Variants in CFAP299 observed in about 807,000 individuals in gnomAD.
CFAP299 encodes the protein cilia and flagella associated protein 299.
Under a neutral mutation model 27.0 loss-of-function variants are expected in CFAP299, and 21 were observed. The observed-to-expected ratio is 0.78, with a 90% CI of 0.55 to 1.12. The LOEUF (loss-of-function observed/expected upper bound fraction) is 1.12, where lower values mean the gene tolerates loss of function less well. CFAP299 is among the 50% of genes most tolerant of loss of function. The probability of loss-of-function intolerance (pLI) is 0.00; values close to 1 mark genes in which losing one functional copy is unlikely to be tolerated. For missense variants in CFAP299, 310 were observed against 276.6 expected (o/e 1.12, Z -0.86); for synonymous variants, 104 against 98.1 (o/e 1.06, Z -0.36).
intron 3 of CFAP299, among the ~76,000 whole-genome samples, chr4:80,697,956 A>G (rs1721216519): frequency 6.6e-6 from 1 of 152,250 alleles, no homozygotes; most frequent in Non-Finnish European, 1.5e-5. Flanking sequence ...CCAAGAATTA[A>G]TCAATCAAAC....
chr4:80,687,116 A>G (rs538465899), intron 3 of CFAP299, among the ~76,000 whole-genome samples: 5 of 152,250 alleles, frequency 3.3e-5, no homozygotes, highest in South Asian at 2.1e-4. Context: ...TTTCTCTCCT[A>G]CTGATCTCCA....
chr4:80,767,056 C>T (rs900565170), intron 3 of CFAP299, among the ~76,000 whole-genome samples: 1 of 152,134 alleles, frequency 6.6e-6, no homozygotes, highest in African/African-American at 2.4e-5. Context: ...ATGCCTGAAG[C>T]AGAGAATAGT....
At chr4:80,523,673 C>A (rs1036881426) in intron 2 of CFAP299, among the ~76,000 whole-genome samples, 3 of 152,116 alleles carry the variant, frequency 2.0e-5, no homozygotes, top group African/African-American at 7.2e-5. Flanking sequence ...CCCATCTTAT[C>A]CTGCCTTCAA....
At chr4:80,698,693 C>T (rs1033744819) in intron 3 of CFAP299, among the ~76,000 whole-genome samples, 11 of 152,202 alleles carry the variant, frequency 7.2e-5, no homozygotes, top group African/African-American at 7.2e-5. Flanking sequence ...CACAGTTCCA[C>T]ATGGCTGGAG....
intron 4 of CFAP299, among the ~76,000 whole-genome samples, chr4:80,891,432 G>A (rs1192214899): frequency 1.3e-5 from 2 of 151,066 alleles, no homozygotes; most frequent in Non-Finnish European, 1.5e-5. Context: ...ATACTATGCA[G>A]CCATAAAAAA....
intron 5 of CFAP299, among the ~76,000 whole-genome samples, chr4:80,956,805 G>T (rs1288034064): frequency 6.6e-6 from 1 of 151,826 alleles, no homozygotes; most frequent in African/African-American, 2.4e-5. Flanking sequence ...TTTTTAATGG[G>T]AATTTTAAAA....
At chr4:80,364,158 C>T (rs1010246246) in intron 2 of CFAP299, among the ~76,000 whole-genome samples, 2 of 135,342 alleles carry the variant, frequency 1.5e-5, no homozygotes, top group Non-Finnish European at 3.1e-5. Context: ...TGTGGCTCGG[C>T]CAAGCCCTCT....
intron 3 of CFAP299, among the ~76,000 whole-genome samples, chr4:80,814,950 C>T (rs77520937): frequency 0.013 from 1,992 of 152,108 alleles, 50 homozygotes; most frequent in African/African-American, 0.045. Flanking sequence ...GACACACAGC[C>T]ATCACAAGAA....
intron 2 of CFAP299, among the ~76,000 whole-genome samples, chr4:80,553,614 A>G (rs922596420): frequency 6.6e-6 from 1 of 152,200 alleles, no homozygotes; most frequent in Non-Finnish European, 1.5e-5. Context: ...ACTAATTTGC[A>G]CTGCCACCAA....
chr4:80,807,577 T>C (rs1728928466), intron 3 of CFAP299, among the ~76,000 whole-genome samples: 1 of 152,102 alleles, frequency 6.6e-6, no homozygotes, highest in Non-Finnish European at 1.5e-5. Flanking sequence ...GAAAAATATA[T>C]TCTTAAAAGC....
intron 2 of CFAP299, among the ~76,000 whole-genome samples, chr4:80,375,581 G>A (rs1055164521): frequency 2.6e-5 from 4 of 152,196 alleles, no homozygotes; most frequent in Non-Finnish European, 4.4e-5. Context: ...TCACAGACTA[G>A]CCTCTCTGAA....
intron 2 of CFAP299, among the ~76,000 whole-genome samples, chr4:80,561,588 T>C (rs1384612675): frequency 6.6e-6 from 1 of 151,996 alleles, no homozygotes; most frequent in Admixed American, 6.6e-5. Flanking sequence ...CAGGCTTCTA[T>C]CAGATAAATT....
chr4:80,943,090 A>G (rs1737280905), intron 4 of CFAP299, among the ~76,000 whole-genome samples: 1 of 152,242 alleles, frequency 6.6e-6, no homozygotes, highest in African/African-American at 2.4e-5. Context: ...AAAGGCCATG[A>G]ATGCACAATT....
At chr4:80,380,819 C>T (rs1242512963) in intron 2 of CFAP299, among the ~76,000 whole-genome samples, 1 of 152,164 alleles carries the variant, frequency 6.6e-6, no homozygotes, top group Non-Finnish European at 1.5e-5. Context: ...AAGATCTCTT[C>T]TAAGATTTTG....
intron 3 of CFAP299, among the ~76,000 whole-genome samples, chr4:80,674,395 T>C (rs1489209068): frequency 6.6e-6 from 1 of 152,228 alleles, no homozygotes; most frequent in Non-Finnish European, 1.5e-5. Context: ...TGATCTGCTA[T>C]TAGTCTGATG....
intron 2 of CFAP299, among the ~76,000 whole-genome samples, chr4:80,576,983 C>A (rs1209068829): frequency 6.6e-6 from 1 of 152,194 alleles, no homozygotes; most frequent in Non-Finnish European, 1.5e-5. Flanking sequence ...ACTCTGATTA[C>A]TCCCAGGGGA....
chr4:80,709,535 A>AC (rs1441654098), intron 3 of CFAP299, among the ~76,000 whole-genome samples: 1 of 152,140 alleles, frequency 6.6e-6, no homozygotes, highest in Non-Finnish European at 1.5e-5. Context: ...CCAATGCTTC[A>AC]CCTACCCCCT....
intron 2 of CFAP299, among the ~76,000 whole-genome samples, chr4:80,507,258 T>A (rs1296019014): frequency 4.6e-5 from 7 of 152,118 alleles, no homozygotes; most frequent in Non-Finnish European, 1.0e-4. Flanking sequence ...CTGAAGGCAC[T>A]GGTAACAGTG....
At chr4:80,828,295 T>C (rs1730099891) in intron 3 of CFAP299, among the ~76,000 whole-genome samples, 1 of 151,916 alleles carries the variant, frequency 6.6e-6, no homozygotes, top group African/African-American at 2.4e-5. Flanking sequence ...CAAAACTTAC[T>C]AAAAAGCTAT....
Sources: allele counts gnomAD v4.1 joint callset (sites outside exome capture counted in the v4.1 genomes callset), GRCh38; gene constraint gnomAD v4.1.1; transcripts MANE v1.5; gene names NCBI Gene and HGNC (gene_info 2026-07-23, HGNC 2026-07-21).